TMEM132B: variants seen among roughly 807,000 people sequenced by gnomAD.
TMEM132B encodes the protein transmembrane protein 132B.
A neutral mutation model predicts 90.8 loss-of-function variants in TMEM132B; 18 were observed. The ratio of observed to expected loss-of-function variants is 0.20; its 90% CI spans 0.14 to 0.29. The LOEUF (loss-of-function observed/expected upper bound fraction) is 0.29, where lower values mean the gene tolerates loss of function less well. Ranked by LOEUF, TMEM132B falls within the 10% of genes least tolerant of loss-of-function variation. The pLI is 1.00. For missense variants in TMEM132B, 1,096 were observed against 1,326.8 expected, an observed-to-expected ratio of 0.83 and a Z score of 2.70; for synonymous variants, 504 against 523.3, an observed-to-expected ratio of 0.96 and a Z score of 0.50.
At chr12:125,433,713 C>T (rs989718400) in intron 3 of TMEM132B, among the ~76,000 whole-genome samples, 1 of 133,742 alleles carries the variant, frequency 7.5e-6, no homozygotes, top group African/African-American at 2.8e-5. Context: ...TTGGAACCAA[C>T]CCAAATGTCC....
chr12:125,650,502 C>T (rs1886877858), intron 6 of TMEM132B, among the ~76,000 whole-genome samples, 181 bp from the exon 7 acceptor site: 1 of 152,194 alleles, frequency 6.6e-6, no homozygotes, highest in Non-Finnish European at 1.5e-5. Flanking sequence ...ACATCATCCT[C>T]ATCAAAGTGT....
intron 5 of TMEM132B, among the ~76,000 whole-genome samples, chr12:125,595,521 A>T (rs991790797): frequency 3.9e-5 from 6 of 152,196 alleles, no homozygotes; most frequent in Admixed American, 2.6e-4. Context: ...AGCTCTTCAC[A>T]TGTATCAGTT....
chr12:125,467,158 A>G (rs1204627013), intron 3 of TMEM132B, among the ~76,000 whole-genome samples: 1 of 152,182 alleles, frequency 6.6e-6, no homozygotes, highest in Non-Finnish European at 1.5e-5. Context: ...TATGGATTCA[A>G]ATAGTCCTGG....
intron 5 of TMEM132B, among the ~76,000 whole-genome samples, chr12:125,614,240 T>G (rs897591227): frequency 2.0e-5 from 3 of 151,612 alleles, no homozygotes; most frequent in African/African-American, 4.9e-5. Context: ...GTGAGAATAG[T>G]GCCTGATAGT....
chr12:125,350,824 T>TCATA (rs1168631585), intron 2 of TMEM132B, among the ~76,000 whole-genome samples: 1 of 152,204 alleles, frequency 6.6e-6, no homozygotes, highest in Non-Finnish European at 1.5e-5. Flanking sequence ...AAGCCCTTTC[T>TCATA]CATAAATGCT....
intron 3 of TMEM132B, among the ~76,000 whole-genome samples, chr12:125,433,298 CGTCACGGT>C (rs1880595995): frequency 6.6e-6 from 1 of 152,084 alleles, no homozygotes; most frequent in African/African-American, 2.4e-5. Flanking sequence ...GGCTGTGGAA[CGTCACGGT>C]CATCGGGGCA....
chr12:125,241,098 T>C (rs1169598056), intron 1 of TMEM132B, among the ~76,000 whole-genome samples: 2 of 152,118 alleles, frequency 1.3e-5, no homozygotes, highest in East Asian at 1.9e-4. Flanking sequence ...AAAATGTCTT[T>C]TAAATGCATA....
chr12:125,500,454 TG>T (rs1882668291), intron 3 of TMEM132B, among the ~76,000 whole-genome samples: 1 of 152,148 alleles, frequency 6.6e-6, no homozygotes, highest in Non-Finnish European at 1.5e-5. Context: ...AACTGTTCCC[TG>T]GGGGACAAAG....
At chr12:125,384,296 TA>T (rs1878767083) in intron 2 of TMEM132B, among the ~76,000 whole-genome samples, 1 of 152,250 alleles carries the variant, frequency 6.6e-6, no homozygotes, top group Non-Finnish European at 1.5e-5. Context: ...ATCCTTGTCA[TA>T]CCACCTAAAG....
intron 2 of TMEM132B, among the ~76,000 whole-genome samples, chr12:125,413,933 G>A (rs79505162): frequency 0.018 from 2,727 of 152,304 alleles, 75 homozygotes; most frequent in African/African-American, 0.061. Flanking sequence ...TTGCACAGTG[G>A]TTGTACCACT....
intron 2 of TMEM132B, among the ~76,000 whole-genome samples, chr12:125,395,858 G>A (rs1879154908): frequency 6.6e-6 from 1 of 152,198 alleles, no homozygotes; most frequent in African/African-American, 2.4e-5. Flanking sequence ...ATTCTTAGGC[G>A]GGTGGTAGAC....
At chr12:125,296,550 C>T (rs1254940045) in intron 1 of TMEM132B, among the ~76,000 whole-genome samples, 1 of 152,214 alleles carries the variant, frequency 6.6e-6, no homozygotes, top group Non-Finnish European at 1.5e-5. Flanking sequence ...GTATCACCTT[C>T]TGACAAACTG....
intron 1 of TMEM132B, among the ~76,000 whole-genome samples, chr12:125,341,159 A>G (rs1877168039): frequency 6.6e-6 from 1 of 152,228 alleles, no homozygotes; most frequent in Admixed American, 6.5e-5. Context: ...CATAATGGCT[A>G]ATAGTGAGAA....
In TMEM132B at chr12:125,371,418, G is replaced by A. The variant is rs560891832; in HGVS notation, c.959+21075G>A. 9.2e-5 allele frequency among the ~76,000 whole-genome samples: 14 copies of A among 152,042 alleles called. No homozygotes were observed. In the East Asian group the frequency reaches 2.7e-3, roughly 29 times the overall value. ...GCATCCGAGGGACCCGGGGTGTCAG[G>A]GGATTCTTTTCCCTAAAGCTGAGAG... On this transcript the variant is annotated intron_variant, in intron 2 of 8. Transcript: ENST00000682704.
chr12:125,462,887 A>G (rs1229517368), intron 3 of TMEM132B, among the ~76,000 whole-genome samples: 1 of 152,192 alleles, frequency 6.6e-6, no homozygotes, highest in Non-Finnish European at 1.5e-5. Flanking sequence ...TGAGCCATGC[A>G]CAAAGCCTCA....
intron 3 of TMEM132B, among the ~76,000 whole-genome samples, chr12:125,478,402 A>C (rs1881946208): frequency 6.6e-6 from 1 of 152,202 alleles, no homozygotes; most frequent in Admixed American, 6.5e-5. Flanking sequence ...TAGAATAAAC[A>C]GTGTAGAGAA....
chr12:125,326,435 G>A (rs1876566666), intron 1 of TMEM132B: 5 of 681,654 alleles, frequency 7.3e-6, no homozygotes, highest in Non-Finnish European at 1.3e-5. Context: ...TTGTTGACCT[G>A]TTTCCAATGA....
intron 1 of TMEM132B, among the ~76,000 whole-genome samples, chr12:125,332,589 T>C (rs1876816167): frequency 5.8e-5 from 2 of 34,218 alleles, no homozygotes; most frequent in African/African-American, 6.8e-4. Context: ...TTGGCTTTTT[T>C]TTTTTTTTTT....
chr12:125,373,565 G>A (rs1205103049), intron 2 of TMEM132B, among the ~76,000 whole-genome samples: 1 of 152,108 alleles, frequency 6.6e-6, no homozygotes, highest in Non-Finnish European at 1.5e-5. Flanking sequence ...TGCTGTTTAA[G>A]GCGCCCCCAG....
Sources: allele counts gnomAD v4.1 joint callset (sites outside exome capture counted in the v4.1 genomes callset), GRCh38; gene constraint gnomAD v4.1.1; transcripts MANE v1.5; gene names NCBI Gene and HGNC (gene_info 2026-07-23, HGNC 2026-07-21).